The following RAB40B variants were observed in gnomAD, a reference collection of about 807,000 sequenced individuals.
RAB40B encodes the protein ras-related protein Rab-40B.
In RAB40B, 21 loss-of-function variants were observed where a neutral mutation model predicts 24.0. The ratio of observed to expected loss-of-function variants is 0.88; its 90% CI spans 0.62 to 1.26. The LOEUF is 1.26. Ranked by LOEUF, RAB40B falls within the 50% of genes most tolerant of loss-of-function variation. RAB40B has a pLI of 0.00. For synonymous variants in RAB40B, 167 were observed against 169.8 expected (o/e 0.98, Z 0.13); for missense variants, 348 against 390.5 (o/e 0.89, Z 0.92).
chr17:82,661,406 C>T (rs554229678), intron 2 of RAB40B: 3 of 432,200 alleles, frequency 6.9e-6, no homozygotes, highest in East Asian at 1.3e-4. Context: ...GGAGAGAGGC[C>T]GGTGGGATCC....
chr17:82,671,481 T>TCACA (rs1568036574), intron 1 of RAB40B, among the ~76,000 whole-genome samples: 134 of 43,560 alleles, frequency 3.1e-3, no homozygotes, highest in Non-Finnish European at 5.1e-3. Flanking sequence ...TAACACACAC[T>TCACA]CACATGCTCC....
At chr17:82,691,671 G>C (rs1177106416) in intron 1 of RAB40B, among the ~76,000 whole-genome samples, 2 of 152,088 alleles carry the variant, frequency 1.3e-5, no homozygotes, top group East Asian at 3.8e-4. Flanking sequence ...GACAGAGCGA[G>C]ACTCCATCTC....
rs978884410 is a variant in RAB40B at position 82,663,499 on chromosome 17, G to A, written c.203+997C>T. ...CAAGCCAAGAGCGGGTGGAGGGAGA[G>A]GTGTTCCAAGCTGGCCCCAAGGTGG... On this transcript the variant is annotated intron_variant, in intron 2 of 5. Transcript: ENST00000571995. This position sits in a 1 kb window ranked among gnomAD's most constrained non-coding sequence, Gnocchi z 6.2. 6.6e-6 allele frequency among the ~76,000 whole-genome samples: 1 copy of A among 152,176 alleles called. No homozygotes were observed. The highest frequency in any genetic ancestry group is 1.5e-5 in the Non-Finnish European group (1 of 68,016).
intron 1 of RAB40B, among the ~76,000 whole-genome samples, chr17:82,676,232 A>C (rs2046392072): frequency 7.6e-6 from 1 of 132,114 alleles, no homozygotes; most frequent in Non-Finnish European, 1.6e-5. Context: ...GGTCACACAC[A>C]GTGAGGGCAC....
intron 1 of RAB40B, 151 bp from the exon 2 acceptor site, chr17:82,664,707 G>A (rs1162470306): frequency 1.4e-6 from 1 of 708,434 alleles, no homozygotes; most frequent in Non-Finnish European, 2.4e-6. Flanking sequence ...GTCTGCCCAA[G>A]CTCACAGGGG....
chr17:82,685,224 G>GGGAGGGA (rs1186634047), intron 1 of RAB40B, among the ~76,000 whole-genome samples: 17 of 143,504 alleles, frequency 1.2e-4, no homozygotes, highest in African/African-American at 4.4e-4. Flanking sequence ...AATGGGGAGG[G>GGGAGGGA]GGAGGGAGGA....
chr17:82,659,824 T>C (rs1237381352), intron 3 of RAB40B, 167 bp from the exon 4 acceptor site: 2 of 620,840 alleles, frequency 3.2e-6, no homozygotes, highest in Non-Finnish European at 5.7e-6. Flanking sequence ...TTTTCAGTGA[T>C]ATTTCATAAG....
rs556490794 is a variant in RAB40B at position 82,660,768 on chromosome 17, C to T, written c.264+219G>A. ...GTACCTGCACACACGTGTACATGCA[C>T]ACACAGTCCCGTAAATGCACGCTTA... On this transcript the variant is annotated intron_variant, in intron 3 of 5. Coordinates refer to ENST00000571995, the MANE Select transcript of RAB40B (RefSeq NM_006822.3). Among the ~76,000 whole-genome samples, 16 of 152,398 alleles carry T rather than the reference C, an allele frequency of 1.0e-4. No homozygotes were observed. In the South Asian group the frequency reaches 3.3e-3, roughly 32 times the overall value.
At chr17:82,658,905 C>T (rs546795477) in intron 4 of RAB40B, 192 bp from the exon 5 acceptor site, 14 of 583,232 alleles carry the variant, frequency 2.4e-5, no homozygotes, top group Admixed American at 2.1e-4. Context: ...TGAATTAGGG[C>T]CCTCATCTAA....
intron 1 of RAB40B, among the ~76,000 whole-genome samples, chr17:82,698,155 C>T (rs2046631190): frequency 6.6e-6 from 1 of 151,994 alleles, no homozygotes; most frequent in South Asian, 2.1e-4. Context: ...GCGCAGACTG[C>T]GGAGAAGGAT....
intron 1 of RAB40B, among the ~76,000 whole-genome samples, chr17:82,685,948 T>C (rs2677921): frequency 0.72 from 108,503 of 151,552 alleles, 38,985 homozygotes; most frequent in East Asian, 0.84. Flanking sequence ...GGATTACAGG[T>C]GCCCGCCACC....
chr17:82,689,193 C>T (rs1176878456), intron 1 of RAB40B, among the ~76,000 whole-genome samples: 4 of 152,270 alleles, frequency 2.6e-5, no homozygotes, highest in South Asian at 2.1e-4. Flanking sequence ...ATGCACCCAG[C>T]GCGGAGCAGC....
chr17:82,664,874 G>C (rs568023116), intron 1 of RAB40B: 1 of 265,678 alleles, frequency 3.8e-6, no homozygotes, highest in East Asian at 9.3e-5. Flanking sequence ...CCGCGGGGCT[G>C]TGGCCGCTGG....
At chr17:82,680,510 G>A (rs1400202752) in intron 1 of RAB40B, among the ~76,000 whole-genome samples, 6 of 152,124 alleles carry the variant, frequency 3.9e-5, no homozygotes, top group Non-Finnish European at 8.8e-5. Flanking sequence ...AAAAAATATC[G>A]CATATGAAAA....
intron 1 of RAB40B, among the ~76,000 whole-genome samples, chr17:82,693,121 G>C (rs1451974276): frequency 2.0e-5 from 3 of 152,000 alleles, no homozygotes; most frequent in Admixed American, 1.3e-4. Flanking sequence ...TCCTGCCTCA[G>C]TCTCCCGAGT....
chr17:82,690,000 C>T (rs1283240847), intron 1 of RAB40B, among the ~76,000 whole-genome samples: 2 of 151,220 alleles, frequency 1.3e-5, no homozygotes, highest in Non-Finnish European at 2.9e-5. Flanking sequence ...AAACCATCAT[C>T]TCCTCCTTAA....
intron 1 of RAB40B, among the ~76,000 whole-genome samples, chr17:82,673,406 A>G (rs549273260): frequency 6.6e-6 from 1 of 152,082 alleles, no homozygotes; most frequent in African/African-American, 2.4e-5. Flanking sequence ...GACTGGGAGG[A>G]CTGTTGCCCT....
At chr17:82,658,890 CG>C in intron 4 of RAB40B, 177 bp from the exon 5 acceptor site, 1 of 606,548 alleles carries the variant, frequency 1.6e-6, no homozygotes, top group Non-Finnish European at 2.9e-6. Context: ...ACGGTGCGGC[CG>C]CACTGAATTA....
rs1358065067 is a variant in RAB40B at position 82,697,965 on chromosome 17, C to A, written c.142+490G>T. Among the ~76,000 whole-genome samples, 2 of 152,234 alleles carry A rather than the reference C, an allele frequency of 1.3e-5. No individual in the cohort carries two copies. ...CTCCGACCCACGCGCAGACCCAGCA[C>A]CTGGGCGCCTGCTCGCCGCGCTCCG... On this transcript the variant is annotated intron_variant, in intron 1 of 5. Transcript: ENST00000571995. This position sits in a 1 kb window ranked among gnomAD's most constrained non-coding sequence, Gnocchi z 4.9.
Sources: gnomAD v4.1 joint callset for allele counts (sites outside exome capture counted in the v4.1 genomes callset) on GRCh38, gnomAD v4.1.1 for gene constraint, Gnocchi (gnomAD v3.1) non-coding constraint, MANE v1.5 for transcripts, NCBI Gene and HGNC (gene_info 2026-07-23, HGNC 2026-07-21) for gene names.